The following SYN3 variants were observed in gnomAD, a reference collection of about 807,000 sequenced individuals.
The protein encoded by SYN3 is synapsin III.
A neutral mutation model predicts 65.8 loss-of-function variants in SYN3; 35 were observed. That is an observed-to-expected ratio of 0.53 (90% CI 0.41 to 0.70). The LOEUF (loss-of-function observed/expected upper bound fraction) is 0.70, where lower values mean the gene tolerates loss of function less well. Among genes scored for constraint, SYN3 ranks in the 30% least tolerant of loss-of-function variants. The pLI, the probability that SYN3 is intolerant of heterozygous loss-of-function variation, is 0.00. For synonymous variants in SYN3, 270 were observed against 292.9 expected, an observed-to-expected ratio of 0.92 and a Z score of 0.80; for missense variants, 680 against 749.0, an observed-to-expected ratio of 0.91 and a Z score of 1.08.
chr22:32,816,008 T>C (rs1312546944), intron 6 of SYN3, among the ~76,000 whole-genome samples: 1 of 152,212 alleles, frequency 6.6e-6, no homozygotes, highest in Non-Finnish European at 1.5e-5. Context: ...AGGGAGGTTT[T>C]TGACCCCAGC....
chr22:32,920,759 G>A (rs1168070532), intron 4 of SYN3, among the ~76,000 whole-genome samples: 1 of 152,106 alleles, frequency 6.6e-6, no homozygotes, highest in African/African-American at 2.4e-5. Flanking sequence ...ATGGGTCCCT[G>A]TTGGCAGCAT....
rs577571077 is a variant in SYN3, at chr22:32,901,766, A to G, written c.461+29624T>C. 1.3e-3 allele frequency among the ~76,000 whole-genome samples: 205 copies of G among 152,382 alleles called. 1 individual carries two copies. The highest frequency in any genetic ancestry group is 4.8e-3 in the African/African-American group (199 of 41,594). On this transcript the variant is annotated intron_variant, in intron 4 of 13. Transcript: ENST00000358763. Reference sequence around the variant, plus strand: ...GCCCGAGGGCACACAACTGGGAAGCAGTCCTGCCAGTATTTAAATCCAGGC... The same window carrying G: ...GCCCGAGGGCACACAACTGGGAAGCGGTCCTGCCAGTATTTAAATCCAGGC...
intron 6 of SYN3, among the ~76,000 whole-genome samples, chr22:32,851,838 G>A (rs2048227344): frequency 6.6e-6 from 1 of 152,106 alleles, no homozygotes; most frequent in African/African-American, 2.4e-5. Context: ...GAACTGGTCA[G>A]TGCCCTTCTA....
intron 6 of SYN3, among the ~76,000 whole-genome samples, chr22:32,657,143 A>T (rs974660582): frequency 3.3e-5 from 5 of 150,884 alleles, no homozygotes; most frequent in Admixed American, 6.6e-5. Flanking sequence ...TTTCTTTTTG[A>T]GACGGAGTCT....
At chr22:32,793,064 A>C (rs919729634) in intron 6 of SYN3, among the ~76,000 whole-genome samples, 1 of 152,230 alleles carries the variant, frequency 6.6e-6, no homozygotes, top group African/African-American at 2.4e-5. Context: ...GGACTACTGC[A>C]TTGAAAGTGC....
chr22:32,533,649 A>G, intron 10 of SYN3, 144 bp downstream of exon 10: 1 of 572,106 alleles, frequency 1.7e-6, no homozygotes, highest in Non-Finnish European at 3.2e-6. Context: ...AGGAGCCTCC[A>G]GAAGCAACTC....
At chr22:32,529,444 G>A (rs930366599) in intron 10 of SYN3, among the ~76,000 whole-genome samples, 16 of 152,110 alleles carry the variant, frequency 1.1e-4, no homozygotes, top group African/African-American at 2.9e-4. Flanking sequence ...AAAATATGAC[G>A]CGGGCTGGAG....
chr22:32,881,599 A>G (rs1323376692), intron 4 of SYN3, among the ~76,000 whole-genome samples: 1 of 152,192 alleles, frequency 6.6e-6, no homozygotes, highest in African/African-American at 2.4e-5. Flanking sequence ...CGCTGATCTC[A>G]GGTGGCCCAG....
At chr22:32,601,032 G>A (rs1243269735) in intron 6 of SYN3, among the ~76,000 whole-genome samples, 2 of 152,162 alleles carry the variant, frequency 1.3e-5, no homozygotes, top group Non-Finnish European at 2.9e-5. Flanking sequence ...GCAGGTGATT[G>A]CTGAACAGAA....
chr22:33,005,219 A>G (rs1315737894), intron 2 of SYN3, among the ~76,000 whole-genome samples: 1 of 152,144 alleles, frequency 6.6e-6, no homozygotes, highest in Non-Finnish European at 1.5e-5. Context: ...TGATACACCT[A>G]CTATGTGGCC....
At chr22:32,780,151 T>C (rs142892626) in intron 6 of SYN3, among the ~76,000 whole-genome samples, 1 of 151,790 alleles carries the variant, frequency 6.6e-6, no homozygotes, top group African/African-American at 2.4e-5. Context: ...TGCCCTGATC[T>C]CTGCTTTTCT....
chr22:33,042,036 C>T (rs1457885597), intron 1 of SYN3, among the ~76,000 whole-genome samples: 1 of 152,138 alleles, frequency 6.6e-6, no homozygotes, highest in Non-Finnish European at 1.5e-5. Flanking sequence ...AGAGATGAGG[C>T]CTTTGGAAGC....
chr22:32,590,775 T>C (rs75021466), intron 7 of SYN3, among the ~76,000 whole-genome samples: 6,194 of 152,330 alleles, frequency 0.041, 172 homozygotes, highest in South Asian at 0.087. Context: ...ACTAATAAAG[T>C]TGAGCCTATT....
intron 13 of SYN3, among the ~76,000 whole-genome samples, chr22:32,516,663 G>A (rs1180357104): frequency 1.3e-5 from 2 of 152,200 alleles, no homozygotes; most frequent in African/African-American, 2.4e-5. Flanking sequence ...ACCACACCTG[G>A]CCTGATACCT....
At chr22:32,692,461 C>T (rs1471452913) in intron 6 of SYN3, among the ~76,000 whole-genome samples, 4 of 152,166 alleles carry the variant, frequency 2.6e-5, no homozygotes, top group African/African-American at 7.2e-5. Flanking sequence ...TCCAGCACAG[C>T]GTGTTTATTA....
chr22:32,969,708 G>A (rs1169540475), intron 3 of SYN3, among the ~76,000 whole-genome samples: 3 of 152,146 alleles, frequency 2.0e-5, no homozygotes, highest in African/African-American at 7.2e-5. Flanking sequence ...AAACAAGGGA[G>A]CAGGATTAGA....
chr22:32,765,789 C>T (rs1193549362), intron 6 of SYN3, among the ~76,000 whole-genome samples: 1 of 152,140 alleles, frequency 6.6e-6, no homozygotes, highest in Non-Finnish European at 1.5e-5. Context: ...TCACACACCA[C>T]TGAATGCAGG....
chr22:32,535,208 G>T (rs2058143623), intron 9 of SYN3, among the ~76,000 whole-genome samples: 1 of 152,144 alleles, frequency 6.6e-6, no homozygotes, highest in Admixed American at 6.5e-5. Context: ...TCATTCTGAA[G>T]GTGCCCCAGC....
intron 6 of SYN3, among the ~76,000 whole-genome samples, chr22:32,699,201 G>GC (rs1407374176): frequency 6.6e-6 from 1 of 152,172 alleles, no homozygotes; most frequent in African/African-American, 2.4e-5. Context: ...ACTCCACAGT[G>GC]CCCCCACCAT....
Sources: allele counts gnomAD v4.1 joint callset (sites outside exome capture counted in the v4.1 genomes callset), GRCh38; gene constraint gnomAD v4.1.1; transcripts MANE v1.5; gene names NCBI Gene and HGNC (gene_info 2026-07-23, HGNC 2026-07-21).